SLC24A3: variants seen among roughly 807,000 people sequenced by gnomAD.
SLC24A3 encodes the protein sodium/potassium/calcium exchanger 3.
SLC24A3 carries 28 observed loss-of-function variants against 75.8 expected under a neutral mutation model. The ratio of observed to expected loss-of-function variants is 0.37; its 90% CI spans 0.27 to 0.51. The LOEUF (loss-of-function observed/expected upper bound fraction) is 0.51. Ranked by LOEUF, SLC24A3 falls within the 20% of genes least tolerant of loss-of-function variation. The pLI is 0.94. For missense variants in SLC24A3, 663 were observed against 847.8 expected, an observed-to-expected ratio of 0.78 and a Z score of 2.71; for synonymous variants, 372 against 334.1, an observed-to-expected ratio of 1.11 and a Z score of -1.24.
intron 16 of SLC24A3, among the ~76,000 whole-genome samples, chr20:19,718,618 G>A (rs1356239788): frequency 3.9e-5 from 6 of 152,140 alleles, no homozygotes; most frequent in Middle Eastern, 3.2e-3. Flanking sequence ...TCATAGCTAC[G>A]GTGCATCTTT....
At chr20:19,260,831 T>C (rs1982961868) in intron 1 of SLC24A3, among the ~76,000 whole-genome samples, 1 of 152,188 alleles carries the variant, frequency 6.6e-6, no homozygotes, top group Admixed American at 6.5e-5. Flanking sequence ...CCAAGTTAGG[T>C]AACCCCCTCC....
At chr20:19,607,023 G>A (rs970391646) in intron 6 of SLC24A3, among the ~76,000 whole-genome samples, 1 of 152,194 alleles carries the variant, frequency 6.6e-6, no homozygotes, top group Non-Finnish European at 1.5e-5. Context: ...AGGGTTGGAC[G>A]TGTGAATGAG....
At chr20:19,657,701 A>G (rs6081697) in intron 7 of SLC24A3, among the ~76,000 whole-genome samples, 36,991 of 152,102 alleles carry the variant, frequency 0.24, 5,203 homozygotes, top group Non-Finnish European at 0.31. Flanking sequence ...TTCACACTCA[A>G]AAGTGCTGCA....
chr20:19,660,645 T>A (rs2032316889), intron 7 of SLC24A3, among the ~76,000 whole-genome samples: 1 of 152,238 alleles, frequency 6.6e-6, no homozygotes, highest in Admixed American at 6.5e-5. Flanking sequence ...TTCTTCGGGG[T>A]AGATACCCAG....
At position 19,452,376 on chromosome 20, in the gene SLC24A3, ATGTGTGTGTG is replaced by A. The variant is rs34840970; in HGVS notation, c.272-63072_272-63063del. ...TGGTCAATGTGGGATCCTGTGGGGG[ATGTGTGTGTG>A]TGTGTGTGTGTGTGTGTGTGTGTGT... On this transcript the variant is annotated intron_variant, in intron 2 of 16. Coordinates refer to ENST00000328041, the MANE Select transcript of SLC24A3 (RefSeq NM_020689.4). 2.2e-3 allele frequency among the ~76,000 whole-genome samples: 246 copies of A among 113,068 alleles called. 2 individuals carry two copies. The highest frequency in any genetic ancestry group is 6.4e-3 in the East Asian group (21 of 3,298). The allele number at this position is 113,068 out of a possible 152,430, so 74.2% of individuals were successfully genotyped here. A position where few individuals can be genotyped will look rare whatever the true frequency, so the allele number is the denominator to read the frequency against.
At chr20:19,249,899 C>T (rs1600392985) in intron 1 of SLC24A3, among the ~76,000 whole-genome samples, 1 of 152,224 alleles carries the variant, frequency 6.6e-6, no homozygotes, top group Non-Finnish European at 1.5e-5. Context: ...TTAATGCCTA[C>T]AGAACTATGC....
intron 6 of SLC24A3, among the ~76,000 whole-genome samples, chr20:19,644,110 C>T (rs1264423647): frequency 6.6e-6 from 1 of 152,124 alleles, no homozygotes; most frequent in Non-Finnish European, 1.5e-5. Context: ...GTATGAAGCC[C>T]CAAACAAGTG....
At chr20:19,408,399 T>C (rs559808551) in intron 2 of SLC24A3, among the ~76,000 whole-genome samples, 1 of 151,460 alleles carries the variant, frequency 6.6e-6, no homozygotes, top group African/African-American at 2.4e-5. Flanking sequence ...ACTTTTTTTT[T>C]TTTTTTTTGA....
chr20:19,482,095 G>A (rs1988065057), intron 2 of SLC24A3, among the ~76,000 whole-genome samples: 1 of 152,160 alleles, frequency 6.6e-6, no homozygotes, highest in Non-Finnish European at 1.5e-5. Context: ...ACACATGACA[G>A]CCAGAATGAT....
At chr20:19,606,423 G>T (rs1173233723) in intron 6 of SLC24A3, among the ~76,000 whole-genome samples, 1 of 152,138 alleles carries the variant, frequency 6.6e-6, no homozygotes, top group African/African-American at 2.4e-5. Context: ...GTAGCTCAGG[G>T]TGTTTAAAAA....
rs193141770 is a variant in SLC24A3 at position 19,485,674 on chromosome 20, A to C, written c.272-29814A>C. ...TTTTTAGAGTTGGCCTTGATGATGA[A>C]GGTCCCAGTCATACTGGCCTCACAG... On this transcript the variant is annotated intron_variant, in intron 2 of 16. Transcript: ENST00000328041. 8.2e-3 allele frequency among the ~76,000 whole-genome samples: 1,244 copies of C among 152,278 alleles called. 23 individuals are homozygous for C. The highest frequency in any genetic ancestry group is 7.3e-3 in the Non-Finnish European group (495 of 68,024).
intron 2 of SLC24A3, among the ~76,000 whole-genome samples, chr20:19,465,965 G>A (rs2122500958): frequency 6.6e-6 from 1 of 152,260 alleles, no homozygotes; most frequent in Non-Finnish European, 1.5e-5. Context: ...TATCCAGGGT[G>A]AGCCAGTCCT....
chr20:19,284,225 A>G (rs1983744976), intron 2 of SLC24A3: 1 of 152,752 alleles, frequency 6.5e-6, no homozygotes, highest in Non-Finnish European at 1.5e-5. Flanking sequence ...AGCACCCATA[A>G]GGTCCTGATT....
At chr20:19,560,382 A>G (rs575259458) in intron 3 of SLC24A3, among the ~76,000 whole-genome samples, 2 of 152,196 alleles carry the variant, frequency 1.3e-5, no homozygotes, top group Non-Finnish European at 2.9e-5. Context: ...AAACCCGGGC[A>G]CTTTCAGGGT....
At chr20:19,500,073 G>T (rs1443944924) in intron 2 of SLC24A3, among the ~76,000 whole-genome samples, 2 of 152,132 alleles carry the variant, frequency 1.3e-5, no homozygotes, top group Non-Finnish European at 2.9e-5. Context: ...TATTGATGAG[G>T]AAATGTGTGG....
At chr20:19,226,078 A>C (rs1981860469) in intron 1 of SLC24A3, among the ~76,000 whole-genome samples, 1 of 152,170 alleles carries the variant, frequency 6.6e-6, no homozygotes, top group Admixed American at 6.5e-5. Context: ...GCCTTTATCA[A>C]ATTGAGTAAT....
chr20:19,431,404 G>T (rs779002328), intron 2 of SLC24A3, among the ~76,000 whole-genome samples: 1 of 152,142 alleles, frequency 6.6e-6, no homozygotes, highest in Non-Finnish European at 1.5e-5. Flanking sequence ...GGATGGCTGT[G>T]CAGTACAGAC....
intron 8 of SLC24A3, 113 bp from the exon 9 acceptor site, chr20:19,673,488 C>G: frequency 1.2e-6 from 1 of 851,348 alleles, no homozygotes; most frequent in Non-Finnish European, 2.0e-6. Flanking sequence ...CTAGCACCGT[C>G]TGCCTTCTCC....
intron 2 of SLC24A3, among the ~76,000 whole-genome samples, chr20:19,327,475 C>T (rs1468299473): frequency 1.3e-5 from 2 of 152,218 alleles, no homozygotes; most frequent in Non-Finnish European, 2.9e-5. Context: ...AGTGCTCTAC[C>T]CAGAGCCCCC....
Sources: allele counts gnomAD v4.1 joint callset (sites outside exome capture counted in the v4.1 genomes callset), GRCh38; gene constraint gnomAD v4.1.1; transcripts MANE v1.5; gene names NCBI Gene and HGNC (gene_info 2026-07-23, HGNC 2026-07-21).